CEP128: variants seen among roughly 807,000 people sequenced by gnomAD.
CEP128 encodes centrosomal protein 128.
In CEP128, 132 loss-of-function variants were observed where a neutral mutation model predicts 156.7. The ratio of observed to expected loss-of-function variants is 0.84; its 90% CI spans 0.73 to 0.97. The LOEUF is 0.97. CEP128 is among the 50% of genes least tolerant of loss of function. CEP128 has a pLI of 0.00. For synonymous variants in CEP128, 469 were observed against 448.9 expected (o/e 1.04, Z -0.57); for missense variants, 1,252 against 1,281.9 (o/e 0.98, Z 0.36).
At chr14:80,609,186 T>C (rs1892901215) in intron 19 of CEP128, among the ~76,000 whole-genome samples, 2 of 152,120 alleles carry the variant, frequency 1.3e-5, no homozygotes. Flanking sequence ...TAATTTCAAA[T>C]ATAAAGCTGA....
chr14:80,600,565 G>A (rs138982326), intron 19 of CEP128, among the ~76,000 whole-genome samples: 1 of 152,080 alleles, frequency 6.6e-6, no homozygotes, highest in African/African-American at 2.4e-5. Flanking sequence ...CACATTCCCA[G>A]GGTCTTTCAT....
At position 80,939,547 on chromosome 14, in the gene CEP128, A is replaced by C. The variant is rs1468278550; in HGVS notation, c.-171-7T>G. The C allele has an allele frequency of 6.6e-6, 1 of 152,196 alleles. No individual in the cohort carries two copies. Among genetic ancestry groups the C allele is most frequent in the African/African-American group, 2.4e-5 (1 of 41,444 alleles). The allele number at this position is 152,196 out of a possible 1,614,324, so 9.4% of individuals were successfully genotyped here. ...TACACTTTCCCCAAACCACCTACAA[A>C]TAAACAAAACAAGGGGGTAAGACAT... On this transcript the variant is annotated splice_polypyrimidine_tract_variant and splice_region_variant and intron_variant, in intron 1 of 24. Coordinates refer to ENST00000555265, the MANE Select transcript of CEP128 (RefSeq NM_152446.5).
intron 8 of CEP128, among the ~76,000 whole-genome samples, chr14:80,882,216 ACT>A (rs990323994): frequency 2.0e-5 from 3 of 151,996 alleles, no homozygotes; most frequent in Admixed American, 6.6e-5. Flanking sequence ...AGATCAAACA[ACT>A]CTATCAGAAA....
chr14:80,609,212 G>T (rs530659061), intron 19 of CEP128, among the ~76,000 whole-genome samples: 22 of 152,020 alleles, frequency 1.4e-4, no homozygotes, highest in African/African-American at 5.3e-4. Context: ...TTTAAACTCA[G>T]TAAAAGCATT....
chr14:80,848,615 G>A (rs922623792), intron 9 of CEP128, among the ~76,000 whole-genome samples: 3 of 151,218 alleles, frequency 2.0e-5, no homozygotes, highest in East Asian at 1.9e-4. Flanking sequence ...AGCCAAGATC[G>A]TGCCACTGCA....
rs189192636 is a variant in CEP128 at position 80,744,707 on chromosome 14, G to A, written c.2614-1440C>T. On this transcript the variant is annotated intron_variant, in intron 18 of 24. Transcript: ENST00000555265. ...TCTCTTTCTCAAGTTCACAGTCAAG[G>A]TACGTGATAGCATACTGGATGGGCA... Among the ~76,000 whole-genome samples, 9 of 152,214 alleles carry A rather than the reference G, an allele frequency of 5.9e-5. No homozygotes were observed. The East Asian group carries it at 1.7e-3, about 29-fold the overall frequency.
chr14:80,686,340 T>C (rs1389411899), intron 19 of CEP128, among the ~76,000 whole-genome samples: 1 of 130,414 alleles, frequency 7.7e-6, no homozygotes, highest in Non-Finnish European at 1.7e-5. Context: ...CTAAGCTTCA[T>C]AAGGAGAAAT....
At chr14:80,541,120 G>A (rs1889737267) in intron 21 of CEP128, among the ~76,000 whole-genome samples, 1 of 152,112 alleles carries the variant, frequency 6.6e-6, no homozygotes, top group Non-Finnish European at 1.5e-5. Context: ...CCAGTTGTAT[G>A]AACTTGGGCA....
intron 14 of CEP128, among the ~76,000 whole-genome samples, chr14:80,483,366 A>G (rs1443918568): frequency 6.6e-6 from 1 of 152,240 alleles, no homozygotes; most frequent in Non-Finnish European, 1.5e-5. Context: ...CAGATATTCT[A>G]CTAATATCTT....
At chr14:80,736,269 A>AAAC (rs968902525) in intron 19 of CEP128, among the ~76,000 whole-genome samples, 3 of 151,132 alleles carry the variant, frequency 2.0e-5, no homozygotes, top group African/African-American at 7.4e-5. Flanking sequence ...AAAAAAAAAA[A>AAAC]ACACAGCAAA....
chr14:80,856,674 TGTGC>T (rs1225016152), intron 9 of CEP128, among the ~76,000 whole-genome samples: 87 of 149,392 alleles, frequency 5.8e-4, no homozygotes, highest in African/African-American at 2.1e-3. Flanking sequence ...CGTGTGTGTG[TGTGC>T]GTGTGTGTGT....
At chr14:80,929,251 T>A (rs1347004642) in intron 2 of CEP128, among the ~76,000 whole-genome samples, 2 of 152,176 alleles carry the variant, frequency 1.3e-5, no homozygotes, top group African/African-American at 4.8e-5. Context: ...GAAATGAGAA[T>A]GCTTATACAC....
At chr14:80,590,370 T>C (rs1337581227) in intron 19 of CEP128, among the ~76,000 whole-genome samples, 1 of 151,994 alleles carries the variant, frequency 6.6e-6, no homozygotes, top group African/African-American at 2.4e-5. Flanking sequence ...AGAAACAATA[T>C]CTTACTTACA....
chr14:80,613,224 T>C (rs1893070360), intron 19 of CEP128, among the ~76,000 whole-genome samples: 1 of 151,730 alleles, frequency 6.6e-6, no homozygotes, highest in African/African-American at 2.4e-5. Context: ...CTCATAGTTA[T>C]GTTATTTAAA....
intron 8 of CEP128, among the ~76,000 whole-genome samples, chr14:80,888,003 C>G (rs1472264031): frequency 1.3e-5 from 2 of 152,158 alleles, no homozygotes; most frequent in Non-Finnish European, 2.9e-5. Flanking sequence ...ATAAATACCT[C>G]TATGTAAATA....
At chr14:80,940,153 C>T (rs1295695774) in intron 1 of CEP128, among the ~76,000 whole-genome samples, 1 of 151,904 alleles carries the variant, frequency 6.6e-6, no homozygotes, top group African/African-American at 2.4e-5. Flanking sequence ...GGGAATACAT[C>T]TATAAACCAT....
chr14:80,713,645 G>C, intron 19 of CEP128, among the ~76,000 whole-genome samples: 1 of 152,116 alleles, frequency 6.6e-6, no homozygotes, highest in Non-Finnish European at 1.5e-5. Flanking sequence ...AGAGGGACAA[G>C]GTCTTATTGT....
At chr14:80,585,769 CA>C (rs1332274412) in intron 19 of CEP128, among the ~76,000 whole-genome samples, 1 of 152,134 alleles carries the variant, frequency 6.6e-6, no homozygotes, top group Non-Finnish European at 1.5e-5. Flanking sequence ...TTACCAAACA[CA>C]ATAGATAATG....
chr14:80,550,026 T>G (rs950378129), intron 21 of CEP128, among the ~76,000 whole-genome samples: 1 of 152,216 alleles, frequency 6.6e-6, no homozygotes, highest in Non-Finnish European at 1.5e-5. Flanking sequence ...TATAGTTCAA[T>G]GACTCTTTCA....
Sources: gnomAD v4.1 joint callset for allele counts (sites outside exome capture counted in the v4.1 genomes callset) on GRCh38, gnomAD v4.1.1 for gene constraint, MANE v1.5 for transcripts, NCBI Gene and HGNC (gene_info 2026-07-23, HGNC 2026-07-21) for gene names.